DHRS9: variants seen among roughly 807,000 people sequenced by gnomAD.
DHRS9 encodes the protein dehydrogenase/reductase 9, also known as dehydrogenase/reductase SDR family member 9.
Under a neutral mutation model 26.6 loss-of-function variants are expected in DHRS9, and 18 were observed. The observed-to-expected ratio is 0.68, with a 90% CI of 0.47 to 1.00. The LOEUF (loss-of-function observed/expected upper bound fraction) is 1.00. Among genes scored for constraint, DHRS9 ranks in the 50% least tolerant of loss-of-function variants. DHRS9 has a pLI of 0.00. For missense variants in DHRS9, 425 were observed against 378.7 expected (o/e 1.12, Z -1.01); for synonymous variants, 134 against 141.1 (o/e 0.95, Z 0.36).
chr2:169,073,279 A>G (rs1683862910), intron 1 of DHRS9, among the ~76,000 whole-genome samples: 1 of 152,242 alleles, frequency 6.6e-6, no homozygotes, highest in African/African-American at 2.4e-5. Context: ...AATTGCCACT[A>G]CAACTGTAGC....
Position 169,096,020 on chromosome 2 carries a change from G to C in DHRS9, c.*253G>C, listed in dbSNP as rs3732040. 0.22 allele frequency: 108,965 copies of C among 506,228 alleles called. 12,407 individuals are homozygous for C. Among genetic ancestry groups the C allele is most frequent in the African/African-American group, 0.33 (17,312 of 52,220 alleles). 31.4% of individuals were successfully genotyped at this position (506,228 alleles called of 1,614,324 possible). A position where few individuals can be genotyped will look rare whatever the true frequency, so the allele number is the denominator to read the frequency against. On this transcript the variant is annotated 3_prime_UTR_variant, in exon 5 of 5. Transcript: ENST00000674881. ...CCTGTATTTAGGCTTTGCCTGCTTG[G>C]TGTGATGTAAGGGAAATTGAAAGAC...
chr2:169,067,415 AG>A, upstream of DHRS9: 1 of 1,219,726 alleles, frequency 8.2e-7, no homozygotes, highest in Non-Finnish European at 1.1e-6. Flanking sequence ...GTATTTGGAA[AG>A]GGGTGGAGAA....
intron 3 of DHRS9, among the ~76,000 whole-genome samples, chr2:169,091,519 G>A (rs972342459): frequency 5.9e-5 from 9 of 152,176 alleles, no homozygotes; most frequent in Admixed American, 3.3e-4. Flanking sequence ...TGATGAGAGC[G>A]TGGAGAACAC....
At chr2:169,079,983 G>GAGAGAGAGAGAAAGAAAGAA (rs1558951565) in intron 1 of DHRS9, among the ~76,000 whole-genome samples, 1 of 46,780 alleles carries the variant, frequency 2.1e-5, no homozygotes. Flanking sequence ...GAGAGAGAGA[G>GAGAGAGAGAGAAAGAAAGAA]AGAAAGAAAG....
At chr2:169,086,157 C>T (rs1684342423) in intron 3 of DHRS9, among the ~76,000 whole-genome samples, 1 of 152,002 alleles carries the variant, frequency 6.6e-6, no homozygotes, top group Admixed American at 6.6e-5. Flanking sequence ...GATTCTGTAG[C>T]TATGCCTCAT....
In DHRS9 at chr2:169,081,098, G is replaced by A. The variant is rs986015573; in HGVS notation, c.-59-425G>A. 19 of 982,692 alleles carry A rather than the reference G, an allele frequency of 1.9e-5. No homozygotes were observed. In the Admixed American group the frequency reaches 7.8e-4, roughly 40 times the overall value. The allele number at this position is 982,692 out of a possible 1,614,324, so 60.9% of individuals were successfully genotyped here. A position where few individuals can be genotyped will look rare whatever the true frequency, so the allele number is the denominator to read the frequency against. ...ACAGAACAATTAAAATTGAATTATT[G>A]TTTCTAATAGATTTTAAGCCCATTC... On this transcript the variant is annotated intron_variant, in intron 1 of 4. Coordinates refer to ENST00000674881, the MANE Select transcript of DHRS9 (RefSeq NM_001376924.1).
At chr2:169,087,978 C>T (rs1486639820) in intron 3 of DHRS9, among the ~76,000 whole-genome samples, 1 of 152,174 alleles carries the variant, frequency 6.6e-6, no homozygotes, top group Non-Finnish European at 1.5e-5. Flanking sequence ...AGCACAAGCA[C>T]TCTCCTGGCT....
intron 1 of DHRS9, among the ~76,000 whole-genome samples, chr2:169,080,049 G>GAAAGAAAGAAAGA (rs1684135774): frequency 1.4e-5 from 2 of 138,004 alleles, no homozygotes; most frequent in Non-Finnish European, 3.2e-5. Context: ...AAGAAAGAAA[G>GAAAGAAAGAAAGA]AAAATAAAGT....
At chr2:169,091,211 T>C (rs1684511002) in intron 3 of DHRS9, among the ~76,000 whole-genome samples, 1 of 150,578 alleles carries the variant, frequency 6.6e-6, no homozygotes, top group African/African-American at 2.5e-5. Context: ...TTTAGTTTTC[T>C]GCTGCAGCAT....
chr2:169,083,275 G>A (rs1412683823), intron 2 of DHRS9, 54 bp from the exon 3 acceptor site: 4 of 1,580,090 alleles, frequency 2.5e-6, no homozygotes, highest in Non-Finnish European at 2.6e-6. Context: ...TTTCATCAAA[G>A]GTGGCAAATA....
At chr2:169,068,321 T>C (rs1003092170), upstream of DHRS9, among the ~76,000 whole-genome samples, 35 of 152,244 alleles carry the variant, frequency 2.3e-4, no homozygotes, top group Admixed American at 1.2e-3. Context: ...TTCAGTTTGT[T>C]TGTTTGTTTG....
chr2:169,070,100 C>T, intron 1 of DHRS9: 1 of 985,452 alleles, frequency 1.0e-6, no homozygotes, highest in Non-Finnish European at 1.2e-6. Context: ...GAGTTTCTTA[C>T]TGAAGCAGCA....
At chr2:169,091,091 A>G (rs975158894) in intron 3 of DHRS9, among the ~76,000 whole-genome samples, 8 of 152,128 alleles carry the variant, frequency 5.3e-5, no homozygotes, top group South Asian at 2.1e-4. Context: ...TCAACTTACA[A>G]TGAGTTTATC....
At chr2:169,080,246 C>T (rs558766034) in intron 1 of DHRS9, among the ~76,000 whole-genome samples, 3 of 152,222 alleles carry the variant, frequency 2.0e-5, no homozygotes, top group South Asian at 2.1e-4. Context: ...AAAGATATTG[C>T]GTGGACACAG....
chr2:169,092,574 G>A (rs1357634195), intron 4 of DHRS9, among the ~76,000 whole-genome samples: 1 of 152,208 alleles, frequency 6.6e-6, no homozygotes, highest in Non-Finnish European at 1.5e-5. Flanking sequence ...ATTCCCCAGG[G>A]AATTTAGACC....
chr2:169,095,304 G>A (rs1298845403), intron 4 of DHRS9, among the ~76,000 whole-genome samples: 1 of 152,090 alleles, frequency 6.6e-6, no homozygotes, highest in African/African-American at 2.4e-5. Context: ...CGAGAAACCT[G>A]GGTTTTAATG....
intron 1 of DHRS9, among the ~76,000 whole-genome samples, chr2:169,076,441 T>A (rs1258087647): frequency 6.6e-6 from 1 of 152,278 alleles, no homozygotes; most frequent in Non-Finnish European, 1.5e-5. Flanking sequence ...GAAATTGGTT[T>A]CTGAGCCCTT....
intron 1 of DHRS9, among the ~76,000 whole-genome samples, chr2:169,074,712 T>G (rs1468493804): frequency 6.6e-6 from 1 of 152,112 alleles, no homozygotes; most frequent in Non-Finnish European, 1.5e-5. Context: ...GTCAAAGATA[T>G]GTGTGTGTTT....
chr2:169,086,458 G>T lies in DHRS9; in HGVS notation c.572+2871G>T, dbSNP rs559305476. 1.7e-4 allele frequency among the ~76,000 whole-genome samples: 25 copies of T among 150,818 alleles called. No homozygotes were observed. The South Asian group carries it at 5.3e-3, about 32-fold the overall frequency. ...GAATTCTCTGTCTGAAAGGTCTCAT[G>T]TCTCTGTCTCACCAGGATTGGTCTC... On this transcript the variant is annotated intron_variant, in intron 3 of 4. Coordinates refer to ENST00000674881, the MANE Select transcript of DHRS9 (RefSeq NM_001376924.1).
Sources: gnomAD v4.1 joint callset for allele counts (sites outside exome capture counted in the v4.1 genomes callset) on GRCh38, gnomAD v4.1.1 for gene constraint, MANE v1.5 for transcripts, NCBI Gene and HGNC (gene_info 2026-07-23, HGNC 2026-07-21) for gene names.